DNAJC13: variants seen among roughly 807,000 people sequenced by gnomAD.
The protein encoded by DNAJC13 is DnaJ heat shock protein family (Hsp40) member C13.
DNAJC13 carries 75 observed loss-of-function variants against 290.5 expected under a neutral mutation model. That is an observed-to-expected ratio of 0.26 (90% CI 0.21 to 0.31). DNAJC13 has a LOEUF of 0.31. Among genes scored for constraint, DNAJC13 ranks in the 10% least tolerant of loss-of-function variants. The pLI, the probability that DNAJC13 is intolerant of heterozygous loss-of-function variation, is 1.00. For missense variants in DNAJC13, 2,260 were observed against 2,674.5 expected (o/e 0.85, Z 3.42); for synonymous variants, 862 against 892.0 (o/e 0.97, Z 0.60).
chr3:132,521,672 C>G (rs1192564397), intron 48 of DNAJC13, among the ~76,000 whole-genome samples: 2 of 152,218 alleles, frequency 1.3e-5, no homozygotes, highest in Non-Finnish European at 2.9e-5. Flanking sequence ...ACTCAGGGAG[C>G]TCATGACCAA....
intron 20 of DNAJC13, among the ~76,000 whole-genome samples, chr3:132,471,637 C>T (rs1934264188): frequency 7.4e-6 from 1 of 134,528 alleles, no homozygotes; most frequent in Admixed American, 7.3e-5. Flanking sequence ...CTCCCCACAT[C>T]TCAGACGATG....
chr3:132,456,620 T>A (rs775451423), intron 11 of DNAJC13, 40 bp downstream of exon 11: 2 of 1,613,204 alleles, frequency 1.2e-6, no homozygotes, highest in Non-Finnish European at 1.7e-6. Context: ...TGTTACTAAC[T>A]TTTGGTATGG....
Position 132,488,997 on chromosome 3 carries a change from C to T in DNAJC13, c.3444C>T (p.Thr1148=), listed in dbSNP as rs372769203. Residue 1148 remains threonine, a synonymous_variant, in exon 31 of 56, where the codon ACC becomes ACT. Transcript: ENST00000260818. ...CTAGATTTTTGAAATACACACATAC[C>T]AAACAGGCTTTCAAGTCAGAAGAGG... The part of the protein sequence containing the change: ...PVARFLKYTH[T]KQAFKSEETK... 3.7e-6 allele frequency: 6 copies of T among 1,609,894 alleles called. No individual in the cohort carries two copies. The African/African-American group carries it at 6.7e-5, about 18-fold the overall frequency.
At chr3:132,520,964 G>A (rs1438206257) in intron 48 of DNAJC13, among the ~76,000 whole-genome samples, 2 of 152,050 alleles carry the variant, frequency 1.3e-5, no homozygotes, top group Admixed American at 6.5e-5. Context: ...TAGTTATTAG[G>A]AGTTCTTTTA....
At chr3:132,462,570 G>A in intron 16 of DNAJC13, 47 bp downstream of exon 16, 1 of 1,411,758 alleles carries the variant, frequency 7.1e-7, no homozygotes, top group South Asian at 1.3e-5. Context: ...ATGTTGATAG[G>A]CTGTTTTAAT....
chr3:132,430,826 TG>T (rs1939221827), intron 1 of DNAJC13, among the ~76,000 whole-genome samples: 1 of 152,236 alleles, frequency 6.6e-6, no homozygotes, highest in South Asian at 2.1e-4. Flanking sequence ...TAATTCTTAC[TG>T]GGTTTAATAA....
rs370171976 is a variant in DNAJC13 at position 132,434,999 on chromosome 3, G to A, written c.68+381G>A. On this transcript the variant is annotated intron_variant, in intron 2 of 55. Coordinates refer to ENST00000260818, the MANE Select transcript of DNAJC13 (RefSeq NM_015268.4). The stretch of plus-strand genomic sequence containing the variant: ...ACATTTTCATATCCGTTTGACTGTC[G>A]GAGAAAATATGCCATTCTAGTGAAG... Among the ~76,000 whole-genome samples, 12 of 152,224 alleles carry A rather than the reference G, an allele frequency of 7.9e-5. No homozygotes were observed. The East Asian group carries it at 9.7e-4, about 12-fold the overall frequency.
At chr3:132,516,309 T>C in intron 46 of DNAJC13, 113 bp from the exon 47 acceptor site, 1 of 945,132 alleles carries the variant, frequency 1.1e-6, no homozygotes, top group Non-Finnish European at 1.7e-6. Flanking sequence ...TTATGAGGAT[T>C]AAATATGACA....
At position 132,516,452 on chromosome 3, in the gene DNAJC13, C is replaced by G. The variant is rs375073935; in HGVS notation, c.5516C>G (p.Ala1839Gly). The change falls in exon 47 of 56, where the codon GCT becomes GGT. Residue 1839 changes from alanine to glycine, a missense_variant. Around this residue, in one of 3 missense-constraint regions of DNAJC13, gnomAD observed 1,494 missense variants for 1,693.7 expected, o/e 0.88. Coordinates refer to ENST00000260818, the MANE Select transcript of DNAJC13 (RefSeq NM_015268.4). ...SRQLVLETLY[A>G]LTSSTKIIKE... ...CAGCTTGTTCTGGAAACTCTTTATG[C>G]TTTGACATCGAGTACAAAAATAATC... 1 of 1,613,774 alleles carries G rather than the reference C, an allele frequency of 6.2e-7. No homozygotes were observed. The highest frequency in any genetic ancestry group is 1.3e-5 in the African/African-American group (1 of 75,002).
At chr3:132,506,299 G>A (rs1296431286) in intron 42 of DNAJC13, among the ~76,000 whole-genome samples, 1 of 151,416 alleles carries the variant, frequency 6.6e-6, no homozygotes, top group African/African-American at 2.4e-5. Context: ...TGATCCGCCC[G>A]CCTCAGCCTC....
chr3:132,429,724 C>T (rs1282813013), intron 1 of DNAJC13, among the ~76,000 whole-genome samples: 1 of 152,098 alleles, frequency 6.6e-6, no homozygotes, highest in Non-Finnish European at 1.5e-5. Context: ...TTGAATTATT[C>T]CACTATTTCT....
chr3:132,528,719 T>A (rs1015221381), intron 54 of DNAJC13, among the ~76,000 whole-genome samples: 2 of 152,156 alleles, frequency 1.3e-5, no homozygotes, highest in Admixed American at 6.5e-5. Flanking sequence ...ATGTAGAACA[T>A]CATTTTTGTT....
At chr3:132,533,173 A>G (rs531325298) in intron 55 of DNAJC13, among the ~76,000 whole-genome samples, 13 of 149,422 alleles carry the variant, frequency 8.7e-5, no homozygotes, top group South Asian at 8.5e-4. Flanking sequence ...CTCCTGCCTC[A>G]GCTTCCCAAG....
rs141463476 is a variant in DNAJC13 at position 132,501,476 on chromosome 3, T to C, written c.4536+563T>C. ...AAGTTTAGCTGGCATGCTGACACCC[T>C]ATGTTTCTGTGGCTAGTGTGACTGA... is the stretch of plus-strand genomic sequence containing the variant. On this transcript the variant is annotated intron_variant, in intron 39 of 55. Coordinates refer to ENST00000260818, the MANE Select transcript of DNAJC13 (RefSeq NM_015268.4). Among the ~76,000 whole-genome samples, 17 of 152,092 alleles carry C rather than the reference T, an allele frequency of 1.1e-4. No homozygotes were observed. In the East Asian group the frequency reaches 3.3e-3, roughly 29 times the overall value.
At chr3:132,506,596 G>A (rs1246632240) in intron 42 of DNAJC13, among the ~76,000 whole-genome samples, 1 of 120,762 alleles carries the variant, frequency 8.3e-6, no homozygotes, top group African/African-American at 3.2e-5. Context: ...TCTGTTGCCA[G>A]GCTGGAATGC....
intron 31 of DNAJC13, 129 bp downstream of exon 31, chr3:132,489,150 C>A: frequency 1.5e-6 from 1 of 658,916 alleles, no homozygotes; most frequent in Non-Finnish European, 2.5e-6. Flanking sequence ...TTATTCTGTT[C>A]TTACATTGTT....
intron 6 of DNAJC13, among the ~76,000 whole-genome samples, chr3:132,451,582 A>G (rs557912489): frequency 6.6e-6 from 1 of 152,100 alleles, no homozygotes; most frequent in Non-Finnish European, 1.5e-5. Flanking sequence ...TGTCTCAAAG[A>G]TGTGCGGTAG....
In DNAJC13 at chr3:132,460,293, A is replaced by G. The variant is rs768134830; in HGVS notation, c.1493A>G (p.Lys498Arg). ...GACTTAAGACAAGAACAGTTGAACA[A>G]AGCTTCTCTTCTCTCGTCAAAGAAG... ...DYDLRQEQLNKASLLSSKKFL... is the reference protein window; with the variant it reads ...DYDLRQEQLNRASLLSSKKFL... The change falls in exon 14 of 56, where the codon AAA becomes AGA. Residue 498 changes from lysine (K) to arginine (R), a missense_variant. By Grantham distance (26) the Lys-to-Arg change is conservative. Coordinates refer to ENST00000260818, the MANE Select transcript of DNAJC13 (RefSeq NM_015268.4). The G allele has an allele frequency of 1.9e-6, 3 of 1,613,196 alleles. No individual in the cohort carries two copies. Among genetic ancestry groups the G allele is most frequent in the Admixed American group, 1.7e-5 (1 of 59,976 alleles).
rs555083635 is a variant in DNAJC13, at chr3:132,523,854, TATGCCCCTCGA to T, written c.6060+142_6060+152del. 304 of 784,706 alleles carry T rather than the reference TATGCCCCTCGA, an allele frequency of 3.9e-4. No individual in the cohort carries two copies. The East Asian group carries it at 8.0e-3, about 21-fold the overall frequency. The allele number at this position is 784,706 out of a possible 1,614,324, so 48.6% of individuals were successfully genotyped here. A position where few individuals can be genotyped will look rare whatever the true frequency, so the allele number is the denominator to read the frequency against. On this transcript the variant is annotated intron_variant, in intron 51 of 55. Transcript: ENST00000260818. ...TATAGCAGCCACATTTAAATTCACATATGCCCCTCGATCATTTTTTTGCCATGTTCAAAAGT... is the reference window on the plus strand; with the variant it reads ...TATAGCAGCCACATTTAAATTCACATTCATTTTTTTGCCATGTTCAAAAGT...
Sources: gnomAD v4.1 joint callset for allele counts (sites outside exome capture counted in the v4.1 genomes callset) on GRCh38, gnomAD v4.1.1 for gene constraint, gnomAD v4.1.1 regional missense constraint, MANE v1.5 for transcripts, NCBI Gene and HGNC (gene_info 2026-07-23, HGNC 2026-07-21) for gene names.